Variants in KAZN observed in about 807,000 individuals in gnomAD.
KAZN encodes kazrin, periplakin interacting protein.
Under a neutral mutation model 87.4 loss-of-function variants are expected in KAZN, and 40 were observed. The observed-to-expected ratio is 0.46, with a 90% CI of 0.36 to 0.60. KAZN has a LOEUF of 0.60. Ranked by LOEUF, KAZN falls within the 20% of genes least tolerant of loss-of-function variation. The pLI is 0.00. For missense variants in KAZN, 898 were observed against 1,073.9 expected (o/e 0.84, Z 2.29); for synonymous variants, 466 against 458.3 (o/e 1.02, Z -0.22).
chr1:14,674,813 G>A (rs1640119860), intron 1 of KAZN, among the ~76,000 whole-genome samples: 1 of 151,754 alleles, frequency 6.6e-6, no homozygotes, highest in Non-Finnish European at 1.5e-5. Flanking sequence ...TTTTAAGACT[G>A]GGTCATTCTG....
At chr1:14,933,487 C>G (rs1236380882) in intron 1 of KAZN, among the ~76,000 whole-genome samples, 1 of 152,148 alleles carries the variant, frequency 6.6e-6, no homozygotes, top group Non-Finnish European at 1.5e-5. Flanking sequence ...TGTTTTATCC[C>G]CAACATGTCT....
chr1:14,304,608 T>C (rs1654788660), intron 2 of KAZN: 1 of 398,412 alleles, frequency 2.5e-6, no homozygotes, highest in Non-Finnish European at 4.4e-6. Context: ...CATAAACACA[T>C]GGACAATGAA....
intron 2 of KAZN, among the ~76,000 whole-genome samples, chr1:14,577,394 A>T (rs532370001): frequency 6.6e-6 from 1 of 152,330 alleles, no homozygotes; most frequent in African/African-American, 2.4e-5. Flanking sequence ...AAATCTGAGC[A>T]TAAAGATTGC....
intron 2 of KAZN, among the ~76,000 whole-genome samples, chr1:14,550,529 T>C (rs1280098141): frequency 6.6e-6 from 1 of 152,088 alleles, no homozygotes; most frequent in Non-Finnish European, 1.5e-5. Context: ...TCTTAAATTT[T>C]CTATTATTTT....
intron 1 of KAZN, among the ~76,000 whole-genome samples, chr1:14,091,222 C>G (rs1048036470): frequency 6.6e-6 from 1 of 151,880 alleles, no homozygotes; most frequent in Admixed American, 6.6e-5. Flanking sequence ...CTGGCCTTCT[C>G]AAACTCCAAT....
intron 1 of KAZN, among the ~76,000 whole-genome samples, chr1:14,915,526 G>T (rs570646358): frequency 6.6e-6 from 1 of 152,168 alleles, no homozygotes; most frequent in Non-Finnish European, 1.5e-5. Context: ...AAGAAGTTCC[G>T]CTAGTAGCCA....
chr1:14,907,785 A>C (rs1161229187), intron 1 of KAZN, among the ~76,000 whole-genome samples: 2 of 152,160 alleles, frequency 1.3e-5, no homozygotes, highest in Non-Finnish European at 2.9e-5. Context: ...GGGGATGGCA[A>C]TTGGGGTCTC....
At chr1:13,959,565 C>A (rs1417961861) in intron 1 of KAZN, among the ~76,000 whole-genome samples, 1 of 152,126 alleles carries the variant, frequency 6.6e-6, no homozygotes, top group Non-Finnish European at 1.5e-5. Flanking sequence ...GGAACATGGC[C>A]CTGCCCTCTC....
chr1:14,554,128 G>A (rs1289370966), intron 2 of KAZN, among the ~76,000 whole-genome samples: 1 of 152,118 alleles, frequency 6.6e-6, no homozygotes, highest in Non-Finnish European at 1.5e-5. Context: ...TTGAGCCTCG[G>A]TGACCTCATT....
chr1:14,367,040 G>A (rs867586241), intron 2 of KAZN, among the ~76,000 whole-genome samples: 2 of 152,214 alleles, frequency 1.3e-5, no homozygotes, highest in African/African-American at 4.8e-5. Flanking sequence ...GACTAGCCTG[G>A]CCAACATGGT....
At chr1:14,730,592 A>T (rs1463868515) in intron 1 of KAZN, among the ~76,000 whole-genome samples, 2 of 152,134 alleles carry the variant, frequency 1.3e-5, no homozygotes, top group Non-Finnish European at 2.9e-5. Flanking sequence ...CAGAACTAGG[A>T]TGCAAGCACA....
chr1:14,515,628 C>G (rs1248753384), intron 2 of KAZN, among the ~76,000 whole-genome samples: 2 of 152,188 alleles, frequency 1.3e-5, no homozygotes, highest in African/African-American at 4.8e-5. Flanking sequence ...CAGCCACACC[C>G]TGTTTAGGGG....
At chr1:14,522,690 A>T (rs890519616) in intron 2 of KAZN, among the ~76,000 whole-genome samples, 3 of 152,202 alleles carry the variant, frequency 2.0e-5, no homozygotes, top group Non-Finnish European at 4.4e-5. Flanking sequence ...ACAATAGATA[A>T]TGCATCTGCA....
chr1:14,386,423 T>C (rs1661898728), intron 2 of KAZN, among the ~76,000 whole-genome samples: 1 of 151,990 alleles, frequency 6.6e-6, no homozygotes, highest in African/African-American at 2.4e-5. Flanking sequence ...GGTCTTTACA[T>C]TTTGGCATGA....
intron 1 of KAZN, among the ~76,000 whole-genome samples, chr1:13,985,025 T>G (rs10927980): frequency 0.16 from 24,645 of 152,068 alleles, 2,195 homozygotes; most frequent in Middle Eastern, 0.19. Flanking sequence ...AGATGGAGTT[T>G]AGCAGCAGCA....
chr1:14,053,646 C>T (rs778770479), intron 1 of KAZN, among the ~76,000 whole-genome samples: 6 of 152,146 alleles, frequency 3.9e-5, no homozygotes, highest in Admixed American at 1.3e-4. Context: ...GTACTTTTGC[C>T]GTTGTGGGCC....
chr1:14,586,545 T>TTA (rs1675859544), intron 2 of KAZN, among the ~76,000 whole-genome samples: 1 of 149,388 alleles, frequency 6.7e-6, no homozygotes, highest in Non-Finnish European at 1.5e-5. Context: ...TTTTTTTTTT[T>TTA]AGAGATAGAG....
rs376069574 is a variant in KAZN, at chr1:14,615,934, G to A, written c.226+16711G>A. Among the ~76,000 whole-genome samples the A allele has an allele frequency of 5.3e-5, 8 of 152,326 alleles. No individual in the cohort carries two copies. The South Asian group carries it at 8.3e-4, about 16-fold the overall frequency. On this transcript the variant is annotated intron_variant, in intron 1 of 14. Coordinates refer to ENST00000376030, the MANE Select transcript of KAZN (RefSeq NM_201628.3). The stretch of plus-strand genomic sequence containing the variant: ...AAATTTCTTAAAGGACAGGCAGTTC[G>A]TCTTGGGGAGTGTGGTCTCACCTGG...
chr1:13,929,883 G>C (rs912819037), intron 1 of KAZN, among the ~76,000 whole-genome samples: 3 of 152,182 alleles, frequency 2.0e-5, no homozygotes, highest in African/African-American at 7.2e-5. Flanking sequence ...CCTGCAGTAG[G>C]TATTATTGTT....
Sources: gnomAD v4.1 joint callset for allele counts (sites outside exome capture counted in the v4.1 genomes callset) on GRCh38, gnomAD v4.1.1 for gene constraint, MANE v1.5 for transcripts, NCBI Gene and HGNC (gene_info 2026-07-23, HGNC 2026-07-21) for gene names.